Variants in GRID1 observed in about 807,000 individuals in gnomAD.
GRID1 encodes the protein glutamate receptor ionotropic, delta-1.
Under a neutral mutation model 98.0 loss-of-function variants are expected in GRID1, and 28 were observed. The ratio of observed to expected loss-of-function variants is 0.29; its 90% CI spans 0.21 to 0.39. GRID1 has a LOEUF of 0.39. Ranked by LOEUF, GRID1 falls within the 10% of genes least tolerant of loss-of-function variation. The pLI is 1.00. For missense variants in GRID1, 1,111 were observed against 1,340.5 expected, an observed-to-expected ratio of 0.83 and a Z score of 2.67; for synonymous variants, 553 against 538.5, an observed-to-expected ratio of 1.03 and a Z score of -0.37.
rs544523011 is a variant in GRID1 at position 86,224,627 on chromosome 10, G to A, written c.236-17979C>T. On this transcript the variant is annotated intron_variant, in intron 2 of 15. Transcript: ENST00000327946. ...CCTGCACCTCCATCAACCCGTAGGG[G>A]CTCTAGGAAGCTAAAGGAAGGTGTA... Among the ~76,000 whole-genome samples, 4 of 152,316 alleles carry A rather than the reference G, an allele frequency of 2.6e-5. No homozygotes were observed. In the South Asian group the frequency reaches 8.3e-4, roughly 32 times the overall value.
At chr10:86,083,270 T>C (rs1844002982) in intron 4 of GRID1, among the ~76,000 whole-genome samples, 1 of 152,222 alleles carries the variant, frequency 6.6e-6, no homozygotes, top group Non-Finnish European at 1.5e-5. Flanking sequence ...AGGGCTCTCG[T>C]AGCGGTTGAG....
chr10:85,756,072 A>AC (rs201344007), intron 8 of GRID1, among the ~76,000 whole-genome samples: 5 of 149,654 alleles, frequency 3.3e-5, no homozygotes, highest in African/African-American at 5.0e-5. Flanking sequence ...ATGTTCCAAT[A>AC]CCCCCCCTAG....
At chr10:86,214,632 G>A (rs1846150497) in intron 2 of GRID1, among the ~76,000 whole-genome samples, 1 of 152,186 alleles carries the variant, frequency 6.6e-6, no homozygotes, top group Non-Finnish European at 1.5e-5. Context: ...GGAGGCCAAG[G>A]TGGGCAGATT....
chr10:85,749,644 CT>C (rs1842027756), intron 8 of GRID1, among the ~76,000 whole-genome samples: 1 of 152,192 alleles, frequency 6.6e-6, no homozygotes, highest in African/African-American at 2.4e-5. Context: ...GATCTGACCA[CT>C]GCCTAGCTAA....
At chr10:86,249,077 A>C (rs1846779580) in intron 2 of GRID1, among the ~76,000 whole-genome samples, 1 of 152,206 alleles carries the variant, frequency 6.6e-6, no homozygotes, top group South Asian at 2.1e-4. Context: ...ACTTTGGTGC[A>C]GGGCAGTCCA....
intron 2 of GRID1, among the ~76,000 whole-genome samples, chr10:86,221,153 C>T (rs557682569): frequency 6.6e-6 from 1 of 152,192 alleles, no homozygotes; most frequent in South Asian, 2.1e-4. Flanking sequence ...GGAGAGAAAT[C>T]GGAAATCTCC....
chr10:86,153,910 C>G (rs940060139), intron 3 of GRID1, among the ~76,000 whole-genome samples: 1 of 152,162 alleles, frequency 6.6e-6, no homozygotes, highest in Non-Finnish European at 1.5e-5. Flanking sequence ...AGGGTATTAT[C>G]TTAAAATATA....
At chr10:86,038,501 A>G (rs1179554015) in intron 4 of GRID1, among the ~76,000 whole-genome samples, 1 of 152,238 alleles carries the variant, frequency 6.6e-6, no homozygotes. Flanking sequence ...AATCATGTGC[A>G]GAGCTGCCAT....
chr10:86,284,356 G>A (rs1410261471), intron 2 of GRID1, among the ~76,000 whole-genome samples: 2 of 152,136 alleles, frequency 1.3e-5, no homozygotes, highest in Admixed American at 1.3e-4. Flanking sequence ...ATTACAAATG[G>A]AGGCTCCTCT....
chr10:86,143,164 G>A (rs546362537), intron 3 of GRID1, among the ~76,000 whole-genome samples: 1 of 152,278 alleles, frequency 6.6e-6, no homozygotes, highest in Admixed American at 6.5e-5. Context: ...GGCTACCACT[G>A]CCTGCTCCAG....
chr10:85,846,650 T>C (rs1843009661), intron 8 of GRID1, among the ~76,000 whole-genome samples: 1 of 151,932 alleles, frequency 6.6e-6, no homozygotes, highest in African/African-American at 2.4e-5. Context: ...AAAACTGCTG[T>C]CAAGTCTAAT....
At chr10:86,314,000 ACCAT>A (rs1316982349) in intron 2 of GRID1, among the ~76,000 whole-genome samples, 2 of 152,036 alleles carry the variant, frequency 1.3e-5, no homozygotes, top group Non-Finnish European at 2.9e-5. Context: ...CTAACCTATC[ACCAT>A]CCATAAACTA....
chr10:85,814,306 A>G (rs1465467997), intron 8 of GRID1, among the ~76,000 whole-genome samples: 1 of 151,942 alleles, frequency 6.6e-6, no homozygotes, highest in African/African-American at 2.4e-5. Context: ...CTTAGAGGGA[A>G]ATGTGTAGAA....
intron 3 of GRID1, among the ~76,000 whole-genome samples, chr10:86,178,390 G>A (rs113199343): frequency 3.9e-5 from 6 of 152,276 alleles, no homozygotes; most frequent in African/African-American, 1.4e-4. Flanking sequence ...AAGAAGCAAG[G>A]CTGGGTGACA....
At chr10:86,052,320 G>GT (rs1843513245) in intron 4 of GRID1, 1 of 152,194 alleles carries the variant, frequency 6.6e-6, no homozygotes, top group Non-Finnish European at 1.5e-5. Flanking sequence ...ATCTGAGGGA[G>GT]TGGGGAGGGG....
At position 85,700,687 on chromosome 10, in the gene GRID1, T is replaced by C. The variant is rs548772951; in HGVS notation, c.1997+22316A>G. Among the ~76,000 whole-genome samples, 7 of 152,310 alleles carry C rather than the reference T, an allele frequency of 4.6e-5. No individual in the cohort carries two copies. The South Asian group carries it at 1.4e-3, about 32-fold the overall frequency. On this transcript the variant is annotated intron_variant, in intron 12 of 15. Coordinates refer to ENST00000327946, the MANE Select transcript of GRID1 (RefSeq NM_017551.3). Reference sequence around the variant, plus strand: ...AGTAATTACAGCAGCTTGAGACTGCTTAGTGAACAAAAATGAGATATTCCC... The same window carrying C: ...AGTAATTACAGCAGCTTGAGACTGCCTAGTGAACAAAAATGAGATATTCCC...
chr10:86,187,763 C>T (rs1249145405), intron 3 of GRID1, among the ~76,000 whole-genome samples: 1 of 152,184 alleles, frequency 6.6e-6, no homozygotes, highest in Non-Finnish European at 1.5e-5. Flanking sequence ...TGGCCATTAT[C>T]GGCTCATTTC....
At chr10:85,812,112 A>G (rs1298800916) in intron 8 of GRID1, among the ~76,000 whole-genome samples, 1 of 152,220 alleles carries the variant, frequency 6.6e-6, no homozygotes, top group South Asian at 2.1e-4. Context: ...TTATTTAGAA[A>G]GGAGGGAGAA....
intron 3 of GRID1, among the ~76,000 whole-genome samples, chr10:86,201,020 A>G (rs1330432399): frequency 1.3e-5 from 2 of 152,232 alleles, no homozygotes; most frequent in African/African-American, 2.4e-5. Context: ...CTAACCTAAT[A>G]AAGTGAAATG....
Sources: gnomAD v4.1 joint callset for allele counts (sites outside exome capture counted in the v4.1 genomes callset) on GRCh38, gnomAD v4.1.1 for gene constraint, MANE v1.5 for transcripts, NCBI Gene and HGNC (gene_info 2026-07-23, HGNC 2026-07-21) for gene names.